NAALADL2: variants seen among roughly 807,000 people sequenced by gnomAD.
NAALADL2 encodes the protein inactive N-acetylated-alpha-linked acidic dipeptidase-like protein 2.
A neutral mutation model predicts 87.2 loss-of-function variants in NAALADL2; 76 were observed. The ratio of observed to expected loss-of-function variants is 0.87; its 90% CI spans 0.72 to 1.05. The LOEUF (loss-of-function observed/expected upper bound fraction) is 1.05. Among genes scored for constraint, NAALADL2 ranks in the 50% least tolerant of loss-of-function variants. NAALADL2 has a pLI of 0.00. For synonymous variants in NAALADL2, 354 were observed against 331.0 expected (o/e 1.07, Z -0.75); for missense variants, 1,089 against 945.8 (o/e 1.15, Z -1.99).
At chr3:175,365,189 A>C (rs1342714163) in intron 5 of NAALADL2, among the ~76,000 whole-genome samples, 1 of 147,540 alleles carries the variant, frequency 6.8e-6, no homozygotes, top group Non-Finnish European at 1.5e-5. Flanking sequence ...TACTGTAAAC[A>C]TTTTCAATAA....
At chr3:175,503,944 CT>C in intron 9 of NAALADL2, among the ~76,000 whole-genome samples, 2 of 152,190 alleles carry the variant, frequency 1.3e-5, no homozygotes, top group Non-Finnish European at 2.9e-5. Flanking sequence ...TTAGGCCCTG[CT>C]TGTTAATTTT....
chr3:174,727,662 C>A (rs1373377735), intron 2 of NAALADL2, among the ~76,000 whole-genome samples: 1 of 152,108 alleles, frequency 6.6e-6, no homozygotes. Context: ...CCTCCCCTGG[C>A]ATCAACATCC....
chr3:174,995,158 T>C (rs1352059919), intron 1 of NAALADL2, among the ~76,000 whole-genome samples: 2 of 150,634 alleles, frequency 1.3e-5, no homozygotes, highest in Non-Finnish European at 3.0e-5. Context: ...TGAGAAAACA[T>C]GATACTTGAG....
At chr3:175,545,469 A>AT (rs911446052) in intron 9 of NAALADL2, among the ~76,000 whole-genome samples, 19 of 149,284 alleles carry the variant, frequency 1.3e-4, no homozygotes, top group African/African-American at 3.2e-4. Flanking sequence ...TTTGTATTGT[A>AT]TTTTTTTTTT....
chr3:175,660,432 T>C (rs888868655), intron 11 of NAALADL2, among the ~76,000 whole-genome samples: 15 of 152,178 alleles, frequency 9.9e-5, no homozygotes, highest in East Asian at 1.9e-4. Flanking sequence ...TTTTGATACA[T>C]GTACACAATG....
At chr3:175,100,080 A>G (rs916751416) in intron 2 of NAALADL2, among the ~76,000 whole-genome samples, 7 of 151,766 alleles carry the variant, frequency 4.6e-5, no homozygotes, top group African/African-American at 7.2e-5. Flanking sequence ...TACTCAGAGG[A>G]TAGCCTATGC....
intron 3 of NAALADL2, among the ~76,000 whole-genome samples, chr3:174,822,874 T>C (rs1196269987): frequency 6.6e-6 from 1 of 152,216 alleles, no homozygotes; most frequent in African/African-American, 2.4e-5. Context: ...AATTCAATTT[T>C]TGTTTCTCCT....
intron 11 of NAALADL2, among the ~76,000 whole-genome samples, chr3:175,634,912 G>C (rs1728299501): frequency 6.6e-6 from 1 of 151,812 alleles, no homozygotes; most frequent in Non-Finnish European, 1.5e-5. Flanking sequence ...CATGACATGA[G>C]CTAAAACAAA....
At chr3:175,375,089 A>G (rs1450777483) in intron 5 of NAALADL2, among the ~76,000 whole-genome samples, 3 of 152,110 alleles carry the variant, frequency 2.0e-5, no homozygotes, top group African/African-American at 4.8e-5. Context: ...TCAATTGCTC[A>G]TATAAGGTTC....
At chr3:175,443,360 A>T (rs780532484) in intron 5 of NAALADL2, among the ~76,000 whole-genome samples, 4 of 152,314 alleles carry the variant, frequency 2.6e-5, no homozygotes, top group Admixed American at 2.0e-4. Flanking sequence ...CATTCTAGAG[A>T]AAAATGGAAT....
chr3:174,916,640 C>T lies in NAALADL2; in HGVS notation c.43+57190C>T, dbSNP rs112155227. Among the ~76,000 whole-genome samples, 655 of 152,054 alleles carry T rather than the reference C, an allele frequency of 4.3e-3. 2 individuals are homozygous for T. The highest frequency in any genetic ancestry group is 0.015 in the African/African-American group (607 of 41,496). ...TGGAAAACCAAATATTATATGTCCT[C>T]ACATATAAGTGGGAGCTAAGCTATG... On this transcript the variant is annotated intron_variant, in intron 1 of 13. Transcript: ENST00000454872.
At chr3:175,052,282 A>G (rs1457567520) in intron 1 of NAALADL2, among the ~76,000 whole-genome samples, 2 of 152,090 alleles carry the variant, frequency 1.3e-5, no homozygotes, top group African/African-American at 4.8e-5. Context: ...TAAACTCACA[A>G]CCTTCCAGGT....
At chr3:175,017,213 T>C (rs942460110) in intron 1 of NAALADL2, among the ~76,000 whole-genome samples, 2 of 152,026 alleles carry the variant, frequency 1.3e-5, no homozygotes, top group African/African-American at 4.8e-5. Context: ...TATAACTTAA[T>C]ACCGTATATC....
intron 2 of NAALADL2, among the ~76,000 whole-genome samples, chr3:175,116,852 C>A (rs188467089): frequency 1.1e-3 from 173 of 152,268 alleles, no homozygotes; most frequent in African/African-American, 4.0e-3. Flanking sequence ...CACTACCTGA[C>A]TTCAAACTAT....
At chr3:175,286,598 C>A (rs764459889) in intron 4 of NAALADL2, among the ~76,000 whole-genome samples, 6 of 152,000 alleles carry the variant, frequency 3.9e-5, no homozygotes, top group African/African-American at 4.8e-5. Context: ...ACCTATGGAT[C>A]GACTTCTGGA....
chr3:175,222,870 A>AT (rs1560186766), intron 2 of NAALADL2, among the ~76,000 whole-genome samples: 1 of 152,050 alleles, frequency 6.6e-6, no homozygotes, highest in Non-Finnish European at 1.5e-5. Flanking sequence ...ATTGTTTTAT[A>AT]TTTTTCAAAT....
At chr3:175,330,326 C>T (rs1581448216) in intron 5 of NAALADL2, among the ~76,000 whole-genome samples, 1 of 152,080 alleles carries the variant, frequency 6.6e-6, no homozygotes, top group Non-Finnish European at 1.5e-5. Context: ...TGCCTTTGGT[C>T]CCAGCTACTT....
intron 13 of NAALADL2, among the ~76,000 whole-genome samples, chr3:175,798,613 A>G (rs1753781997): frequency 1.3e-5 from 2 of 152,080 alleles, no homozygotes; most frequent in African/African-American, 2.4e-5. Context: ...ATTCCATTGC[A>G]TTGGCCTTTA....
intron 1 of NAALADL2, among the ~76,000 whole-genome samples, chr3:174,509,589 T>G (rs1321134665): frequency 1.2e-4 from 15 of 127,106 alleles, no homozygotes; most frequent in African/African-American, 1.8e-4. Flanking sequence ...TTTTTTTTTT[T>G]TTTTTTTTTT....
Sources: allele counts gnomAD v4.1 joint callset (sites outside exome capture counted in the v4.1 genomes callset), GRCh38; gene constraint gnomAD v4.1.1; transcripts MANE v1.5; gene names NCBI Gene and HGNC (gene_info 2026-07-23, HGNC 2026-07-21).